DNAJB12: variants seen among roughly 807,000 people sequenced by gnomAD.
DNAJB12 encodes the protein DnaJ heat shock protein family (Hsp40) member B12.
Under a neutral mutation model 40.6 loss-of-function variants are expected in DNAJB12, and 14 were observed. That is an observed-to-expected ratio of 0.34 (90% CI 0.23 to 0.54). DNAJB12 has a LOEUF of 0.54. Ranked by LOEUF, DNAJB12 falls within the 20% of genes least tolerant of loss-of-function variation. DNAJB12 has a pLI of 0.92. For synonymous variants in DNAJB12, 181 were observed against 199.5 expected (o/e 0.91, Z 0.78); for missense variants, 444 against 501.7 (o/e 0.89, Z 1.10).
intron 1 of DNAJB12, among the ~76,000 whole-genome samples, chr10:72,351,892 T>C (rs2132008473): frequency 6.6e-6 from 1 of 152,350 alleles, no homozygotes; most frequent in Middle Eastern, 3.4e-3. Context: ...TCTCTTCCCA[T>C]CTCAGTTCTT....
rs16929771 is a variant in DNAJB12 at position 72,333,894 on chromosome 10, C to T, written c.*754G>A. ...GTTAACCATAATCCTGAGGCCTTCG[C>T]GGGTTCACACTATCATGATTACTGC... is the stretch of plus-strand genomic sequence containing the variant. On this transcript the variant is annotated 3_prime_UTR_variant, in exon 9 of 9. Transcript: ENST00000444643. The T allele has an allele frequency of 0.023, 3,454 of 153,316 alleles. 118 individuals are homozygous for T. Among genetic ancestry groups the T allele is most frequent in the East Asian group, 0.085 (443 of 5,214 alleles). 9.5% of individuals were successfully genotyped at this position (153,316 alleles called of 1,614,324 possible). A position where few individuals can be genotyped will look rare whatever the true frequency, so the allele number is the denominator to read the frequency against.
At chr10:72,339,007 C>T (rs1487374268) in intron 5 of DNAJB12, among the ~76,000 whole-genome samples, 1 of 152,146 alleles carries the variant, frequency 6.6e-6, no homozygotes, top group Non-Finnish European at 1.5e-5. Flanking sequence ...TGCCTGTAAT[C>T]CCAGCACTGT....
chr10:72,351,525 T>C (rs1228949785), intron 1 of DNAJB12, among the ~76,000 whole-genome samples: 2 of 152,228 alleles, frequency 1.3e-5, no homozygotes, highest in African/African-American at 4.8e-5. Flanking sequence ...CTTGTCCTTT[T>C]CCCATGCAGT....
chr10:72,353,096 G>A (rs1195914484), intron 1 of DNAJB12, among the ~76,000 whole-genome samples: 1 of 152,216 alleles, frequency 6.6e-6, no homozygotes, highest in Non-Finnish European at 1.5e-5. Flanking sequence ...ATGCATGCAG[G>A]TGGTTCTTCT....
In DNAJB12 at chr10:72,335,452, A is replaced by C; in HGVS notation, c.*30+328T>G. The C allele has an allele frequency of 9.1e-7, 1 of 1,097,926 alleles. No individual in the cohort carries two copies. Among genetic ancestry groups the C allele is most frequent in the Non-Finnish European group, 1.1e-6 (1 of 895,262 alleles). The allele number at this position is 1,097,926 out of a possible 1,614,324, so 68.0% of individuals were successfully genotyped here. A position where few individuals can be genotyped will look rare whatever the true frequency, so the allele number is the denominator to read the frequency against. ...GCTGGAGAAAGGGCCGTGCTGACTGATGGCTGGAGTGGACCAAGAAGCCCC... is the reference window on the plus strand; with the variant it reads ...GCTGGAGAAAGGGCCGTGCTGACTGCTGGCTGGAGTGGACCAAGAAGCCCC... On this transcript the variant is annotated intron_variant, in intron 8 of 8. Coordinates refer to ENST00000444643, the MANE Select transcript of DNAJB12 (RefSeq NM_017626.7). This position sits in a 1 kb window ranked among gnomAD's most constrained non-coding sequence, Gnocchi z 4.4.
At chr10:72,340,650 G>T (rs1861607399) in intron 5 of DNAJB12, 139 bp downstream of exon 5, 1 of 823,922 alleles carries the variant, frequency 1.2e-6, no homozygotes, top group South Asian at 1.6e-5. Flanking sequence ...GAGGCCCAGA[G>T]GGCTCCTTGG....
Position 72,341,247 on chromosome 10 carries a change from C to CT in DNAJB12, c.458-78dup, listed in dbSNP as rs891791777. 4 of 1,415,058 alleles carry CT rather than the reference C, an allele frequency of 2.8e-6. No individual in the cohort carries two copies. In the African/African-American group the frequency reaches 5.7e-5, roughly 20 times the overall value. The allele number at this position is 1,415,058 out of a possible 1,614,324, so 87.7% of individuals were successfully genotyped here. On this transcript the variant is annotated intron_variant, in intron 3 of 8. Transcript: ENST00000444643. The stretch of plus-strand genomic sequence containing the variant: ...GGCTCCCATGGCAGCCGAGTGCTCA[C>CT]TTTTCTCAGGTACTCAAGCAGTGCT...
At chr10:72,341,697 C>A (rs1861644178) in intron 3 of DNAJB12, among the ~76,000 whole-genome samples, 1 of 152,162 alleles carries the variant, frequency 6.6e-6, no homozygotes, top group Non-Finnish European at 1.5e-5. Context: ...GTCTCAAACT[C>A]CTGGGCTCAA....
intron 6 of DNAJB12, among the ~76,000 whole-genome samples, chr10:72,337,236 C>T (rs1319781471): frequency 6.6e-6 from 1 of 152,260 alleles, no homozygotes; most frequent in Admixed American, 6.5e-5. Flanking sequence ...TGCCCTAGTC[C>T]TCTGCTCCTC....
At chr10:72,353,711 A>C (rs1861989847) in intron 1 of DNAJB12, 1 of 152,218 alleles carries the variant, frequency 6.6e-6, no homozygotes, top group Non-Finnish European at 1.5e-5. Context: ...GGAGCTTCCT[A>C]AACTGCAAAG....
Position 72,354,811 on chromosome 10 carries a change from G to A in DNAJB12, c.87C>T (p.Arg29=). The A allele has an allele frequency of 6.2e-7, 1 of 1,613,994 alleles. No individual in the cohort carries two copies. Among genetic ancestry groups the A allele is most frequent in the Non-Finnish European group, 8.5e-7 (1 of 1,179,914 alleles). Reference sequence around the variant, plus strand: ...ACAGCCGCTGTGCCTTCTCCAGGAAGCGGAGCGCCCGGTCGGGCTGGTTGC... The same window carrying A: ...ACAGCCGCTGTGCCTTCTCCAGGAAACGGAGCGCCCGGTCGGGCTGGTTGC... ...IQSNQPDRAL[R]FLEKAQRLYP... is the part of the protein sequence containing the mutation. The change falls in exon 1 of 9, where the codon CGC becomes CGT. Residue 29 remains arginine (R), a synonymous_variant. Transcript: ENST00000444643.
Position 72,345,019 on chromosome 10 carries a change from G to C in DNAJB12, c.242C>G (p.Ser81Trp). ...HRKAGGTDAP[S>W]ANGEAGGEST... Reference sequence around the variant, plus strand: ...CTCTCCTCCAGCTTCACCGTTGGCCGAGGGGGCATCGGTCCCACCTGCTTT... The same window carrying C: ...CTCTCCTCCAGCTTCACCGTTGGCCCAGGGGGCATCGGTCCCACCTGCTTT... Residue 81 changes from serine (S) to tryptophan (W), a missense_variant, in exon 2 of 9, where the codon TCG becomes TGG. By Grantham distance (177) the Ser-to-Trp change is radical. Transcript: ENST00000444643. The C allele has an allele frequency of 6.2e-7, 1 of 1,614,224 alleles. No individual in the cohort carries two copies. Among genetic ancestry groups the C allele is most frequent in the African/African-American group, 1.3e-5 (1 of 75,054 alleles).
At chr10:72,341,365 G>A (rs1861635363) in intron 3 of DNAJB12, among the ~76,000 whole-genome samples, 195 bp from the exon 4 acceptor site, 1 of 152,174 alleles carries the variant, frequency 6.6e-6, no homozygotes, top group South Asian at 2.1e-4. Flanking sequence ...TGGGCAGCCT[G>A]GCTGGGTGGA....
chr10:72,334,871 A>C, intron 8 of DNAJB12: 1 of 1,311,522 alleles, frequency 7.6e-7, no homozygotes, highest in Non-Finnish European at 9.7e-7. Flanking sequence ...GCACCCACAC[A>C]GAGAAGAACC....
intron 1 of DNAJB12, among the ~76,000 whole-genome samples, chr10:72,345,611 G>T (rs1375836966): frequency 1.4e-5 from 2 of 140,334 alleles, no homozygotes; most frequent in Non-Finnish European, 3.0e-5. Context: ...AGTGGCTCAC[G>T]CCTGTAATCC....
At position 72,345,141 on chromosome 10, in the gene DNAJB12, G is replaced by A; in HGVS notation, c.134-14C>T. On this transcript the variant is annotated splice_polypyrimidine_tract_variant and intron_variant, in intron 1 of 8. Coordinates refer to ENST00000444643, the MANE Select transcript of DNAJB12 (RefSeq NM_017626.7). Reference sequence around the variant, plus strand: ...ACTCAATCAGGGCTGTGCAAGGCAAGGAAACCATTCAGAGCTCCTGCTCAA... The same window carrying A: ...ACTCAATCAGGGCTGTGCAAGGCAAAGAAACCATTCAGAGCTCCTGCTCAA... 6.3e-7 allele frequency: 1 copy of A among 1,591,348 alleles called. No individual in the cohort carries two copies.
chr10:72,333,117 C>T lies in DNAJB12; in HGVS notation c.*1531G>A, dbSNP rs915823576. Reference sequence around the variant, plus strand: ...AAAACCAGATTTGACATTTCCTTACCGAACTTCCTTTCCCAGCAAGAATCC... The same window carrying T: ...AAAACCAGATTTGACATTTCCTTACTGAACTTCCTTTCCCAGCAAGAATCC... On this transcript the variant is annotated 3_prime_UTR_variant, in exon 9 of 9. Coordinates refer to ENST00000444643, the MANE Select transcript of DNAJB12 (RefSeq NM_017626.7). 2 of 152,386 alleles carry T rather than the reference C, an allele frequency of 1.3e-5. No homozygotes were observed. The allele number at this position is 152,386 out of a possible 1,614,324, so 9.4% of individuals were successfully genotyped here.
At chr10:72,337,839 C>T (rs74145745) in intron 6 of DNAJB12, among the ~76,000 whole-genome samples, 3,462 of 151,876 alleles carry the variant, frequency 0.023, 119 homozygotes, top group East Asian at 0.086. Context: ...ACAAAGCCGC[C>T]GAAATTATAT....
At chr10:72,349,873 G>A (rs1474014638) in intron 1 of DNAJB12, among the ~76,000 whole-genome samples, 2 of 152,128 alleles carry the variant, frequency 1.3e-5, no homozygotes, top group Non-Finnish European at 2.9e-5. Flanking sequence ...CTGGCAAGTA[G>A]GGTCTCTCTT....
Sources: gnomAD v4.1 joint callset for allele counts (sites outside exome capture counted in the v4.1 genomes callset) on GRCh38, gnomAD v4.1.1 for gene constraint, Gnocchi (gnomAD v3.1) non-coding constraint, MANE v1.5 for transcripts, NCBI Gene and HGNC (gene_info 2026-07-23, HGNC 2026-07-21) for gene names.